DYNC1LI1: variants seen among roughly 807,000 people sequenced by gnomAD.
DYNC1LI1 encodes the protein cytoplasmic dynein 1 light intermediate chain 1.
In DYNC1LI1, 19 loss-of-function variants were observed where a neutral mutation model predicts 63.8. That is an observed-to-expected ratio of 0.30 (90% CI 0.21 to 0.44). The LOEUF is 0.44. Among genes scored for constraint, DYNC1LI1 ranks in the 20% least tolerant of loss-of-function variants. The pLI, the probability that DYNC1LI1 is intolerant of heterozygous loss-of-function variation, is 1.00. For missense variants in DYNC1LI1, 565 were observed against 630.2 expected (o/e 0.90, Z 1.11); for synonymous variants, 225 against 232.3 (o/e 0.97, Z 0.28).
chr3:32,536,970 A>C lies in DYNC1LI1; in HGVS notation c.832+41T>G, dbSNP rs746393080. ...TTAACTTTAAAAAACTAAAACAGGT[A>C]AAGTGATACACTGAATCAATAAATG... is the stretch of plus-strand genomic sequence containing the variant. On this transcript the variant is annotated intron_variant, in intron 6 of 12. Transcript: ENST00000273130. The C allele has an allele frequency of 3.1e-5, 36 of 1,157,688 alleles. No homozygotes were observed. In the African/African-American group the frequency reaches 5.0e-4, roughly 16 times the overall value. 71.7% of individuals were successfully genotyped at this position (1,157,688 alleles called of 1,614,324 possible).
At chr3:32,555,240 AGCTT>A (rs1698097226) in intron 2 of DYNC1LI1, among the ~76,000 whole-genome samples, 2 of 152,198 alleles carry the variant, frequency 1.3e-5, no homozygotes, top group Non-Finnish European at 2.9e-5. Flanking sequence ...ATACATCTTA[AGCTT>A]CAATTCAAAA....
intron 5 of DYNC1LI1, 133 bp from the exon 6 acceptor site, chr3:32,537,237 C>T: frequency 2.1e-6 from 1 of 476,628 alleles, no homozygotes; most frequent in East Asian, 3.6e-5. Flanking sequence ...AACAGCAGGA[C>T]ACAGAATATC....
At chr3:32,549,980 T>C (rs1045563749) in intron 2 of DYNC1LI1, among the ~76,000 whole-genome samples, 1 of 152,226 alleles carries the variant, frequency 6.6e-6, no homozygotes, top group Non-Finnish European at 1.5e-5. Context: ...GAAATCATAT[T>C]ATCTAGAAAT....
intron 10 of DYNC1LI1, 95 bp from the exon 11 acceptor site, chr3:32,529,755 C>A: frequency 9.1e-7 from 1 of 1,095,222 alleles, no homozygotes; most frequent in Non-Finnish European, 1.3e-6. Flanking sequence ...GCAACTATCC[C>A]CTGTTCTACT....
chr3:32,567,520 TTTTTA>T (rs1299411295), intron 2 of DYNC1LI1, among the ~76,000 whole-genome samples: 10 of 141,558 alleles, frequency 7.1e-5, no homozygotes, highest in African/African-American at 2.7e-4. Flanking sequence ...CAGATTTGGT[TTTTTA>T]TTTTATTTAT....
At chr3:32,536,983 G>T in intron 6 of DYNC1LI1, 28 bp downstream of exon 6, 1 of 1,275,682 alleles carries the variant, frequency 7.8e-7, no homozygotes, top group Non-Finnish European at 1.1e-6. Flanking sequence ...GTGATACACT[G>T]AATCAATAAA....
intron 5 of DYNC1LI1, 90 bp from the exon 6 acceptor site, chr3:32,537,194 C>A: frequency 1.5e-6 from 1 of 679,766 alleles, no homozygotes; most frequent in Non-Finnish European, 2.3e-6. Flanking sequence ...GATAGGGGAA[C>A]ATCATAAAAG....
Position 32,526,831 on chromosome 3 carries a change from G to A in DYNC1LI1, c.1540C>T (p.Pro514Ser), listed in dbSNP as rs780689802. The A allele has an allele frequency of 5.6e-6, 9 of 1,613,558 alleles. No homozygotes were observed. Among genetic ancestry groups the A allele is most frequent in the East Asian group, 2.2e-5 (1 of 44,860 alleles). ...GCTTCTCCTTCCGTAGGAGATGTAGGTGTTGTGGGAGAAACTGTAACTGGT... is the reference window on the plus strand; with the variant it reads ...GCTTCTCCTTCCGTAGGAGATGTAGATGTTGTGGGAGAAACTGTAACTGGT... ...RKPVTVSPTTPTSPTEGEAS is the reference protein window; with the variant it reads ...RKPVTVSPTTSTSPTEGEAS The change falls in exon 13 of 13, where the codon CCT becomes TCT. Residue 514 changes from proline to serine, a missense_variant. Pro to Ser is a moderately conservative substitution (Grantham distance 74). Coordinates refer to ENST00000273130, the MANE Select transcript of DYNC1LI1 (RefSeq NM_016141.4).
chr3:32,569,127 A>G lies in DYNC1LI1; in HGVS notation c.220+1219T>C, dbSNP rs143761844. Among the ~76,000 whole-genome samples, 708 of 152,336 alleles carry G rather than the reference A, an allele frequency of 4.6e-3. 8 individuals carry two copies. The highest frequency in any genetic ancestry group is 0.016 in the African/African-American group (673 of 41,566). On this transcript the variant is annotated intron_variant, in intron 2 of 12. Coordinates refer to ENST00000273130, the MANE Select transcript of DYNC1LI1 (RefSeq NM_016141.4). ...CCTAGAGGCAAGTATTATTATTTCTATAACAACCATTTTAAAGATGAAGAA... is the reference window on the plus strand; with the variant it reads ...CCTAGAGGCAAGTATTATTATTTCTGTAACAACCATTTTAAAGATGAAGAA...
chr3:32,530,220 TAAA>T, intron 10 of DYNC1LI1, 61 bp downstream of exon 10: 2 of 1,344,168 alleles, frequency 1.5e-6, no homozygotes, highest in Non-Finnish European at 2.0e-6. Flanking sequence ...ACATAATTAA[TAAA>T]AAATAACTAA....
intron 11 of DYNC1LI1, 27 bp downstream of exon 11, chr3:32,529,513 C>A: frequency 6.3e-7 from 1 of 1,583,098 alleles, no homozygotes; most frequent in Non-Finnish European, 8.6e-7. Context: ...AATGTATTGT[C>A]TTGTTATCTC....
intron 2 of DYNC1LI1, among the ~76,000 whole-genome samples, chr3:32,558,048 C>T (rs1364286531): frequency 6.6e-6 from 1 of 152,140 alleles, no homozygotes; most frequent in East Asian, 1.9e-4. Flanking sequence ...GCCTGAGCAA[C>T]ATGGCAAAAC....
chr3:32,528,653 C>T, intron 11 of DYNC1LI1, 52 bp from the exon 12 acceptor site: 1 of 1,517,308 alleles, frequency 6.6e-7, no homozygotes, highest in Non-Finnish European at 8.9e-7. Flanking sequence ...AAGATTCTTC[C>T]TTAAATTATT....
At chr3:32,545,635 G>A (rs973357683) in intron 3 of DYNC1LI1, 2 of 525,348 alleles carry the variant, frequency 3.8e-6, no homozygotes, top group Non-Finnish European at 6.7e-6. Flanking sequence ...AGAAGTATCT[G>A]CACACCAGGA....
At chr3:32,556,703 G>A (rs1012554707) in intron 2 of DYNC1LI1, among the ~76,000 whole-genome samples, 5 of 152,016 alleles carry the variant, frequency 3.3e-5, no homozygotes, top group Non-Finnish European at 7.4e-5. Context: ...CACCATGCCT[G>A]GCTAATTTTT....
chr3:32,537,880 T>C lies in DYNC1LI1; in HGVS notation c.739-776A>G, dbSNP rs1309363877. The stretch of plus-strand genomic sequence containing the variant: ...ATGTAATTTTTTTGTTACATATATA[T>C]ATATATAATTTATATATATAATATA... On this transcript the variant is annotated intron_variant, in intron 5 of 12. Transcript: ENST00000273130. Among the ~76,000 whole-genome samples the C allele has an allele frequency of 4.5e-4, 47 of 104,354 alleles. 1 individual carries two copies. Among genetic ancestry groups the C allele is most frequent in the African/African-American group, 1.7e-3 (45 of 25,834 alleles). 68.5% of individuals were successfully genotyped at this position (104,354 alleles called of 152,430 possible).
chr3:32,552,164 A>G (rs1342287033), intron 2 of DYNC1LI1, among the ~76,000 whole-genome samples: 2 of 152,192 alleles, frequency 1.3e-5, no homozygotes, highest in African/African-American at 4.8e-5. Flanking sequence ...GTTCCTTCAG[A>G]TATCTGCATG....
At position 32,532,733 on chromosome 3, in the gene DYNC1LI1, G is replaced by A. The variant is rs561889209; in HGVS notation, c.1080+253C>T. 10 of 422,760 alleles carry A rather than the reference G, an allele frequency of 2.4e-5. No homozygotes were observed. The Admixed American group carries it at 2.6e-4, about 11-fold the overall frequency. 26.2% of individuals were successfully genotyped at this position (422,760 alleles called of 1,614,324 possible). ...GATTTCCAAAGCACTATATTAGAAT[G>A]TGGATTCTGCACTAACAATTGCTAA... On this transcript the variant is annotated intron_variant, in intron 8 of 12. Coordinates refer to ENST00000273130, the MANE Select transcript of DYNC1LI1 (RefSeq NM_016141.4).
intron 11 of DYNC1LI1, among the ~76,000 whole-genome samples, chr3:32,529,238 T>C (rs780812139): frequency 1.8e-4 from 27 of 152,318 alleles, no homozygotes; most frequent in Non-Finnish European, 3.5e-4. Context: ...ATTATGCATA[T>C]AGTTTTTTCC....
Sources: allele counts gnomAD v4.1 joint callset (sites outside exome capture counted in the v4.1 genomes callset), GRCh38; gene constraint gnomAD v4.1.1; transcripts MANE v1.5; gene names NCBI Gene and HGNC (gene_info 2026-07-23, HGNC 2026-07-21).